LRRC23: variants seen among roughly 807,000 people sequenced by gnomAD.
LRRC23 encodes the protein leucine-rich repeat-containing protein 23.
A neutral mutation model predicts 37.7 loss-of-function variants in LRRC23; 28 were observed. That is an observed-to-expected ratio of 0.74 (90% confidence interval 0.55 to 1.02). LRRC23 has a LOEUF of 1.02. Among genes scored for constraint, LRRC23 ranks in the 50% least tolerant of loss-of-function variants. LRRC23 has a pLI of 0.00. For missense variants in LRRC23, 377 were observed against 413.2 expected (o/e 0.91, Z 0.76); for synonymous variants, 161 against 165.4 (o/e 0.97, Z 0.20).
intron 6 of LRRC23, 59 bp from the exon 7 acceptor site, chr12:6,912,671 A>G: frequency 6.7e-7 from 1 of 1,499,374 alleles, no homozygotes; most frequent in Non-Finnish European, 9.2e-7. Context: ...CCCCATTCCT[A>G]GCAACTGGCA....
chr12:6,905,886 G>C lies in LRRC23; in HGVS notation c.168G>C (p.Gly56=), dbSNP rs1239549114. 2 of 1,613,784 alleles carry C rather than the reference G, an allele frequency of 1.2e-6. No individual in the cohort carries two copies. The highest frequency in any genetic ancestry group is 1.7e-6 in the Non-Finnish European group (2 of 1,179,984). ...TCACGGAGGACATGATGAAGGAAGG[G>C]CTTTCTCTGCTCTGTAAGACAGGCA... The part of the protein sequence containing the change: ...TPLTEDMMKE[G]LSLLCKTGNG... Residue 56 remains glycine, a synonymous_variant, in exon 3 of 8, where the codon GGG becomes GGC. Transcript: ENST00000443597.
In LRRC23 at chr12:6,913,933, G is replaced by A; in HGVS notation, c.*67G>A. 1 of 1,611,240 alleles carries A rather than the reference G, an allele frequency of 6.2e-7. No individual in the cohort carries two copies. Among genetic ancestry groups the A allele is most frequent in the East Asian group, 2.2e-5 (1 of 44,838 alleles). ...CCTTCAGACCTGATCAGACTCCCAG[G>A]GGCAGCCACCACATGTATGACAGAG... On this transcript the variant is annotated 3_prime_UTR_variant, in exon 8 of 8. Coordinates refer to ENST00000443597, the MANE Select transcript of LRRC23 (RefSeq NM_001135217.2).
chr12:6,913,996 T>C lies in LRRC23; in HGVS notation c.*130T>C. On this transcript the variant is annotated 3_prime_UTR_variant, in exon 8 of 8. Transcript: ENST00000443597. ...CTGTTTTTGCCCCAAAGCTGGAAAT[T>C]CATCACAACCTGAGGCCCAGGATCT... The C allele has an allele frequency of 1.2e-6, 2 of 1,613,928 alleles. No individual in the cohort carries two copies. Among genetic ancestry groups the C allele is most frequent in the Non-Finnish European group, 1.7e-6 (2 of 1,179,922 alleles).
In LRRC23 at chr12:6,913,234, A is replaced by C. The variant is rs1945213006; in HGVS notation, c.*24+207A>C. ...AGCTGAGAAAGACTTAGGAGGCCAG[A>C]AGAGTAAGTGAAAAGAATTGGGGTG... On this transcript the variant is annotated intron_variant, in intron 7 of 7. Transcript: ENST00000443597. 4 of 563,736 alleles carry C rather than the reference A, an allele frequency of 7.1e-6. No homozygotes were observed. The Admixed American group carries it at 1.3e-4, about 18-fold the overall frequency. The allele number at this position is 563,736 out of a possible 1,614,324, so 34.9% of individuals were successfully genotyped here.
At position 6,913,566 on chromosome 12, in the gene LRRC23, T is replaced by G. The variant is rs1203906734; in HGVS notation, c.*25-325T>G. 4.8e-5 allele frequency among the ~76,000 whole-genome samples: 6 copies of G among 125,782 alleles called. 1 individual carries two copies. Among genetic ancestry groups the G allele is most frequent in the Non-Finnish European group, 1.0e-4 (6 of 59,340 alleles). 82.5% of individuals were successfully genotyped at this position (125,782 alleles called of 152,430 possible). ...ATTTACCTCTGTTTGTTTTTTTTTT[T>G]TTTTTTTTTTTTTTTTTGCGAGGTA... On this transcript the variant is annotated intron_variant, in intron 7 of 7. Coordinates refer to ENST00000443597, the MANE Select transcript of LRRC23 (RefSeq NM_001135217.2).
chr12:6,906,309 A>G, intron 3 of LRRC23, 100 bp from the exon 4 acceptor site: 1 of 1,162,948 alleles, frequency 8.6e-7, no homozygotes, highest in Non-Finnish European at 1.2e-6. Flanking sequence ...TCTCCCCATT[A>G]TAAGCCATCT....
At chr12:6,907,191 C>A in intron 4 of LRRC23, 124 bp from the exon 5 acceptor site, 1 of 1,131,012 alleles carries the variant, frequency 8.8e-7, no homozygotes, top group Non-Finnish European at 1.3e-6. Context: ...AAGTCTGGAG[C>A]TGGCCTTCCT....
chr12:6,911,458 C>T (rs1260349207), intron 6 of LRRC23, among the ~76,000 whole-genome samples: 1 of 151,888 alleles, frequency 6.6e-6, no homozygotes, highest in Non-Finnish European at 1.5e-5. Flanking sequence ...CATGATGGAC[C>T]CTTCCTGAGT....
intron 6 of LRRC23, among the ~76,000 whole-genome samples, chr12:6,911,549 GC>G (rs1945161526): frequency 6.6e-6 from 1 of 152,068 alleles, no homozygotes; most frequent in African/African-American, 2.4e-5. Context: ...ATTGGCAGGT[GC>G]CTCTGGGGCC....
chr12:6,913,569 T>TTG (rs2138176250), intron 7 of LRRC23, among the ~76,000 whole-genome samples: 1 of 129,502 alleles, frequency 7.7e-6, no homozygotes, highest in South Asian at 2.8e-4. Flanking sequence ...TTTTTTTTTT[T>TTG]TTTTTTTTTT....
chr12:6,914,034 T>C lies in LRRC23; in HGVS notation c.*168T>C. On this transcript the variant is annotated 3_prime_UTR_variant, in exon 8 of 8. Transcript: ENST00000443597. This position sits in a 1 kb window ranked among gnomAD's most constrained non-coding sequence, Gnocchi z 7.1. ...AGGCCCAGGATCTGCTCTGTGCCGG[T>C]CCTCTGGGCAGTGTGGGGTGCAGAA... The C allele has an allele frequency of 6.2e-7, 1 of 1,609,622 alleles. No individual in the cohort carries two copies. Among genetic ancestry groups the C allele is most frequent in the Non-Finnish European group, 8.5e-7 (1 of 1,178,022 alleles).
chr12:6,909,735 A>G (rs1233682269), intron 5 of LRRC23, among the ~76,000 whole-genome samples, 155 bp from the exon 6 acceptor site: 2 of 150,350 alleles, frequency 1.3e-5, no homozygotes, highest in Non-Finnish European at 3.0e-5. Context: ...GAACTTCTTT[A>G]CTTTCTATAC....
At chr12:6,907,767 T>G in intron 5 of LRRC23, 3 of 547,402 alleles carry the variant, frequency 5.5e-6, no homozygotes, top group Non-Finnish European at 9.8e-6. Context: ...CTTCAGCTCT[T>G]ACACTACCAC....
At chr12:6,907,853 C>G in intron 5 of LRRC23, 1 of 331,924 alleles carries the variant, frequency 3.0e-6, no homozygotes, top group Non-Finnish European at 5.7e-6. Context: ...TAGTAGACAC[C>G]AGCTGGGTGA....
At chr12:6,913,772 C>G in intron 7 of LRRC23, 119 bp from the exon 8 acceptor site, 3 of 704,576 alleles carry the variant, frequency 4.3e-6, no homozygotes, top group Non-Finnish European at 2.3e-6. Context: ...ACCACGTTAG[C>G]CAGGATGGTC....
chr12:6,909,480 TA>T (rs1945102995), intron 5 of LRRC23, among the ~76,000 whole-genome samples: 1 of 95,566 alleles, frequency 1.0e-5, no homozygotes, highest in African/African-American at 4.9e-5. Context: ...ATATTTTATA[TA>T]TTATATAATA....
In LRRC23 at chr12:6,912,763, C is replaced by T; in HGVS notation, c.792C>T (p.Ala264=). ...GNMVANLGEL[A]KLRDLPKLRA... is the part of the protein sequence containing the mutation. ...TGGTGGCCAACCTGGGGGAGCTGGC[C>T]AAGCTTCGAGACCTGCCCAAGCTGC... Residue 264 remains alanine, a synonymous_variant, in exon 7 of 8, where the codon GCC becomes GCT. Transcript: ENST00000443597. 1 of 1,614,104 alleles carries T rather than the reference C, an allele frequency of 6.2e-7. No individual in the cohort carries two copies. The highest frequency in any genetic ancestry group is 1.7e-5 in the Admixed American group (1 of 60,020).
intron 5 of LRRC23, 119 bp downstream of exon 5, chr12:6,907,564 T>G: frequency 1.9e-6 from 2 of 1,067,542 alleles, no homozygotes; most frequent in South Asian, 1.3e-5. Context: ...CTGGTATTAT[T>G]ATCAAGACCA....
At chr12:6,905,330 C>A in intron 1 of LRRC23, 1 of 256,988 alleles carries the variant, frequency 3.9e-6, no homozygotes, top group East Asian at 1.0e-4. Context: ...TAGGGACACC[C>A]GGCTGCTGGA....
Sources: gnomAD v4.1 joint callset for allele counts (sites outside exome capture counted in the v4.1 genomes callset) on GRCh38, gnomAD v4.1.1 for gene constraint, Gnocchi (gnomAD v3.1) non-coding constraint, MANE v1.5 for transcripts, NCBI Gene and HGNC (gene_info 2026-07-23, HGNC 2026-07-21) for gene names.